ADAMTS6: variants seen among roughly 807,000 people sequenced by gnomAD.
The protein encoded by ADAMTS6 is ADAM metallopeptidase with thrombospondin type 1 motif 6.
ADAMTS6 carries 23 observed loss-of-function variants against 144.3 expected under a neutral mutation model. The ratio of observed to expected loss-of-function variants is 0.16; its 90% CI spans 0.11 to 0.23. The LOEUF (loss-of-function observed/expected upper bound fraction) is 0.23, where lower values mean the gene tolerates loss of function less well. Among genes scored for constraint, ADAMTS6 ranks in the 10% least tolerant of loss-of-function variants. The pLI is 1.00. For missense variants in ADAMTS6, 999 were observed against 1,379.6 expected (o/e 0.72, Z 4.37); for synonymous variants, 444 against 457.5 (o/e 0.97, Z 0.38).
intron 3 of ADAMTS6, 80 bp from the exon 4 acceptor site, chr5:65,460,418 T>C (rs1296342724): frequency 7.7e-7 from 1 of 1,301,890 alleles, no homozygotes. Context: ...GAGCTAAAAG[T>C]AAATGGACAC....
intron 14 of ADAMTS6, among the ~76,000 whole-genome samples, chr5:65,245,862 G>A (rs1156771914): frequency 6.6e-6 from 1 of 152,094 alleles, no homozygotes; most frequent in Non-Finnish European, 1.5e-5. Flanking sequence ...CTTACAAAAA[G>A]AGTTAACCAA....
At chr5:65,347,211 A>G (rs1480990268) in intron 7 of ADAMTS6, among the ~76,000 whole-genome samples, 1 of 151,974 alleles carries the variant, frequency 6.6e-6, no homozygotes, top group African/African-American at 2.4e-5. Context: ...TAAAATTCAT[A>G]TGGAACCATA....
chr5:65,229,272 GT>G (rs1324711266), intron 15 of ADAMTS6, among the ~76,000 whole-genome samples: 4 of 152,134 alleles, frequency 2.6e-5, no homozygotes, highest in Non-Finnish European at 5.9e-5. Context: ...CATAGAAAAG[GT>G]CTGAGAGAGC....
At chr5:65,257,009 T>TG (rs1760736198) in intron 14 of ADAMTS6, among the ~76,000 whole-genome samples, 3 of 139,900 alleles carry the variant, frequency 2.1e-5, no homozygotes, top group Non-Finnish European at 4.6e-5. Context: ...TTTTTTTTTT[T>TG]GCTTAAGACA....
chr5:65,300,607 C>A (rs544402089), intron 9 of ADAMTS6, among the ~76,000 whole-genome samples: 37 of 152,022 alleles, frequency 2.4e-4, no homozygotes, highest in Middle Eastern at 6.8e-3. Context: ...AGGATATAGG[C>A]CAAATACATA....
chr5:65,463,026 G>C (rs1438852483), intron 3 of ADAMTS6, among the ~76,000 whole-genome samples: 1 of 150,980 alleles, frequency 6.6e-6, no homozygotes. Context: ...GTTGCAGTGA[G>C]CTGAGATCGT....
intron 18 of ADAMTS6, among the ~76,000 whole-genome samples, chr5:65,223,601 T>C (rs1226221469): frequency 6.6e-6 from 1 of 152,208 alleles, no homozygotes; most frequent in Admixed American, 6.5e-5. Context: ...TAGCATGACG[T>C]TCTCCAGGTT....
At chr5:65,199,042 A>G (rs1371752347) in intron 20 of ADAMTS6, among the ~76,000 whole-genome samples, 1 of 152,156 alleles carries the variant, frequency 6.6e-6, no homozygotes, top group Non-Finnish European at 1.5e-5. Flanking sequence ...CAACTCCAAC[A>G]GTGGCTCAGA....
In ADAMTS6 at chr5:65,173,052, CAG is replaced by C. The variant is rs754133442; in HGVS notation, c.2911-46_2911-45del. On this transcript the variant is annotated intron_variant, in intron 22 of 24. Transcript: ENST00000381055. ...GTAATGAATCACGACAGTTTAAAGA[CAG>C]AGGAAAATTTGAAGAAAGTCTTTCT... The C allele has an allele frequency of 3.8e-6, 6 of 1,573,106 alleles. No homozygotes were observed. The African/African-American group carries it at 8.2e-5, about 21-fold the overall frequency.
intron 10 of ADAMTS6, among the ~76,000 whole-genome samples, chr5:65,294,228 T>C (rs780332018): frequency 2.6e-5 from 4 of 152,218 alleles, no homozygotes; most frequent in Non-Finnish European, 5.9e-5. Context: ...AATTCTTTTG[T>C]TTTTGTTTTA....
chr5:65,217,761 T>C (rs1757034227), intron 18 of ADAMTS6, among the ~76,000 whole-genome samples: 1 of 152,174 alleles, frequency 6.6e-6, no homozygotes, highest in Non-Finnish European at 1.5e-5. Flanking sequence ...AAAAACTCAT[T>C]TAGGTCTCAC....
chr5:65,427,595 G>A (rs966594968), intron 7 of ADAMTS6, among the ~76,000 whole-genome samples: 14 of 151,932 alleles, frequency 9.2e-5, no homozygotes, highest in East Asian at 1.9e-4. Flanking sequence ...TCAAGAGATC[G>A]AGACCATCGT....
intron 9 of ADAMTS6, among the ~76,000 whole-genome samples, chr5:65,319,207 A>C (rs1745295616): frequency 6.6e-6 from 1 of 152,140 alleles, no homozygotes; most frequent in South Asian, 2.1e-4. Context: ...AATTTGTAAA[A>C]TGCTGCTAGA....
chr5:65,389,160 C>T (rs10056551), intron 7 of ADAMTS6, among the ~76,000 whole-genome samples: 38,839 of 151,636 alleles, frequency 0.26, 6,157 homozygotes, highest in South Asian at 0.4. Flanking sequence ...GCTGAGATCG[C>T]GCCACTGCAC....
chr5:65,454,768 A>G (rs1235066057), intron 4 of ADAMTS6, among the ~76,000 whole-genome samples: 2 of 152,186 alleles, frequency 1.3e-5, no homozygotes, highest in Non-Finnish European at 2.9e-5. Flanking sequence ...TCCAAAAACT[A>G]AAGCTACCCA....
At chr5:65,332,314 G>C (rs11743180) in intron 8 of ADAMTS6, among the ~76,000 whole-genome samples, 1 of 86,992 alleles carries the variant, frequency 1.1e-5, no homozygotes. Flanking sequence ...TATATATATA[G>C]AGAGAGAGAG....
chr5:65,192,784 C>G (rs532539184), intron 21 of ADAMTS6, among the ~76,000 whole-genome samples: 1 of 151,758 alleles, frequency 6.6e-6, no homozygotes, highest in Non-Finnish European at 1.5e-5. Flanking sequence ...ATAACTTTCC[C>G]CAGCAAGGAC....
chr5:65,329,142 A>C (rs1746457436), intron 9 of ADAMTS6, among the ~76,000 whole-genome samples: 1 of 152,150 alleles, frequency 6.6e-6, no homozygotes, highest in Admixed American at 6.6e-5. Context: ...CTGAACAAAA[A>C]CTTAAATGTG....
At chr5:65,193,769 A>G (rs1755158159) in intron 21 of ADAMTS6, among the ~76,000 whole-genome samples, 1 of 152,154 alleles carries the variant, frequency 6.6e-6, no homozygotes, top group South Asian at 2.1e-4. Flanking sequence ...TTCAGAAGCA[A>G]AAGTGGTTAA....
Sources: gnomAD v4.1 joint callset for allele counts (sites outside exome capture counted in the v4.1 genomes callset) on GRCh38, gnomAD v4.1.1 for gene constraint, MANE v1.5 for transcripts, NCBI Gene and HGNC (gene_info 2026-07-23, HGNC 2026-07-21) for gene names.